The following ADGRL2 variants were observed in gnomAD, a reference collection of about 807,000 sequenced individuals.
ADGRL2 encodes the protein calcium-independent alpha-latrotoxin receptor 2.
ADGRL2 carries 44 observed loss-of-function variants against 157.4 expected under a neutral mutation model. That is an observed-to-expected ratio of 0.28 (90% CI 0.22 to 0.36). ADGRL2 has a LOEUF of 0.36. ADGRL2 is among the 10% of genes least tolerant of loss of function. The pLI, the probability that ADGRL2 is intolerant of heterozygous loss-of-function variation, is 1.00. For synonymous variants in ADGRL2, 585 were observed against 624.7 expected (o/e 0.94, Z 0.95); for missense variants, 1,510 against 1,768.9 (o/e 0.85, Z 2.63).
chr1:81,895,496 T>G (rs2094365701), intron 2 of ADGRL2, among the ~76,000 whole-genome samples: 1 of 149,242 alleles, frequency 6.7e-6, no homozygotes, highest in South Asian at 2.1e-4. Flanking sequence ...CCACCTGGGT[T>G]CAAGCGTTTC....
chr1:81,460,258 A>G (rs1463756602), intron 2 of ADGRL2, among the ~76,000 whole-genome samples: 1 of 151,508 alleles, frequency 6.6e-6, no homozygotes, highest in African/African-American at 2.4e-5. Flanking sequence ...TTAATGATTT[A>G]TATTAATTAT....
chr1:81,847,783 A>T lies in ADGRL2; in HGVS notation c.73+10726A>T, dbSNP rs560139462. ...GTGTTTTTAACAGCATTTTAATACA[A>T]ATGTTTTATTATTTAAAGTAACACT... On this transcript the variant is annotated intron_variant, in intron 2 of 23. Coordinates refer to ENST00000686636, the MANE Select transcript of ADGRL2 (RefSeq NM_001366006.2). Among the ~76,000 whole-genome samples, 16 of 152,020 alleles carry T rather than the reference A, an allele frequency of 1.1e-4. No individual in the cohort carries two copies. In the South Asian group the frequency reaches 3.3e-3, roughly 31 times the overall value.
chr1:81,800,408 C>A (rs989434659), upstream of ADGRL2: 1 of 152,124 alleles, frequency 6.6e-6, no homozygotes, highest in Non-Finnish European at 1.5e-5. Context: ...GGCGAACAGA[C>A]GTTCTTTCTC....
intron 3 of ADGRL2, among the ~76,000 whole-genome samples, chr1:81,664,305 A>T (rs1231063815): frequency 6.6e-6 from 1 of 152,140 alleles, no homozygotes; most frequent in South Asian, 2.1e-4. Context: ...TATAATAAGA[A>T]TATTTTTCCA....
chr1:81,989,744 G>A (rs1168589292), intron 23 of ADGRL2: 1 of 1,605,306 alleles, frequency 6.2e-7, no homozygotes, highest in Non-Finnish European at 8.5e-7. Context: ...TCGTGATGTT[G>A]GATGGTGCTT....
intron 2 of ADGRL2, among the ~76,000 whole-genome samples, chr1:81,506,510 G>C (rs1166735975): frequency 1.3e-5 from 2 of 152,040 alleles, no homozygotes; most frequent in African/African-American, 4.8e-5. Context: ...AGGAGTTTGA[G>C]ACCAGCCTGG....
chr1:81,711,565 T>A (rs2083929707), intron 1 of ADGRL2, among the ~76,000 whole-genome samples: 1 of 152,070 alleles, frequency 6.6e-6, no homozygotes, highest in African/African-American at 2.4e-5. Flanking sequence ...AAAATTGGTA[T>A]TTTTTTGTTT....
intron 1 of ADGRL2, among the ~76,000 whole-genome samples, chr1:81,817,141 A>G (rs977494629): frequency 1.3e-5 from 2 of 151,864 alleles, no homozygotes; most frequent in Admixed American, 1.3e-4. Flanking sequence ...CTGTTTTTCT[A>G]TTCTGTATGT....
intron 2 of ADGRL2, among the ~76,000 whole-genome samples, chr1:81,460,941 G>A (rs2077913895): frequency 6.6e-6 from 1 of 152,186 alleles, no homozygotes. Context: ...GGAAACAGCA[G>A]TACTTATGCA....
intron 2 of ADGRL2, among the ~76,000 whole-genome samples, chr1:81,524,727 T>A (rs1343833308): frequency 6.6e-6 from 1 of 152,108 alleles, no homozygotes; most frequent in African/African-American, 2.4e-5. Flanking sequence ...ATGCTACATT[T>A]ATGTTTTTAA....
chr1:81,417,985 C>T (rs557270391), intron 1 of ADGRL2, among the ~76,000 whole-genome samples: 1 of 152,254 alleles, frequency 6.6e-6, no homozygotes, highest in East Asian at 1.9e-4. Context: ...AAGGGGCTCA[C>T]TTGAAAATAA....
At chr1:81,351,974 G>A (rs1662929418) in intron 1 of ADGRL2, among the ~76,000 whole-genome samples, 1 of 152,212 alleles carries the variant, frequency 6.6e-6, no homozygotes, top group Non-Finnish European at 1.5e-5. Context: ...ACAAAAGCCA[G>A]AGAATGGCAG....
intron 3 of ADGRL2, among the ~76,000 whole-genome samples, chr1:81,595,794 C>T (rs2081219334): frequency 6.6e-6 from 1 of 152,106 alleles, no homozygotes; most frequent in Admixed American, 6.6e-5. Context: ...TGTCTTAGTC[C>T]ATTTGGGCTG....
intron 2 of ADGRL2, among the ~76,000 whole-genome samples, chr1:81,499,187 A>G (rs2078791338): frequency 6.6e-6 from 1 of 152,276 alleles, no homozygotes; most frequent in Admixed American, 6.5e-5. Context: ...CATGACATGT[A>G]TTCGAGAAGT....
chr1:81,706,475 T>A (rs144690964), intron 1 of ADGRL2, among the ~76,000 whole-genome samples: 1 of 152,282 alleles, frequency 6.6e-6, no homozygotes, highest in East Asian at 1.9e-4. Context: ...GTGCCAGAGC[T>A]TGTCTTTCCA....
chr1:81,672,149 A>G lies in ADGRL2; in HGVS notation c.-142-89662A>G, dbSNP rs550100570. Among the ~76,000 whole-genome samples the G allele has an allele frequency of 4.9e-4, 75 of 152,304 alleles. 1 individual carries two copies. In the South Asian group the frequency reaches 0.016, roughly 32 times the overall value. On this transcript the variant is annotated intron_variant, in intron 3 of 24. Coordinates refer to the ADGRL2 transcript ENST00000370721. ...TGTCTTATCTTAGAATTGGGCTTTC[A>G]AGTGTTGCTTTAGCAGCCTTCTGTA...
chr1:81,451,469 C>T (rs898912472), intron 2 of ADGRL2, among the ~76,000 whole-genome samples: 3 of 152,160 alleles, frequency 2.0e-5, no homozygotes, highest in East Asian at 1.9e-4. Flanking sequence ...AAGAGCATTG[C>T]TAACATTTTT....
At position 81,648,475 on chromosome 1, in the gene ADGRL2, T is replaced by C. The variant is rs377747548; in HGVS notation, c.-143+67495T>C. Among the ~76,000 whole-genome samples the C allele has an allele frequency of 2.0e-5, 3 of 152,192 alleles. No individual in the cohort carries two copies. The East Asian group carries it at 5.8e-4, about 29-fold the overall frequency. On this transcript the variant is annotated intron_variant, in intron 3 of 24. Coordinates refer to the ADGRL2 transcript ENST00000370721. Reference sequence around the variant, plus strand: ...TTGGAGCCTAAATATAAATCCTCTCTGTTTACTGCAGCAAAACAAGGAAAA... The same window carrying C: ...TTGGAGCCTAAATATAAATCCTCTCCGTTTACTGCAGCAAAACAAGGAAAA...
chr1:81,783,584 A>T (rs1159796682), intron 2 of ADGRL2, among the ~76,000 whole-genome samples: 1 of 152,206 alleles, frequency 6.6e-6, no homozygotes, highest in Non-Finnish European at 1.5e-5. Context: ...AAACATAACT[A>T]AGAGTGAGCA....
Sources: allele counts gnomAD v4.1 joint callset (sites outside exome capture counted in the v4.1 genomes callset), GRCh38; gene constraint gnomAD v4.1.1; transcripts MANE v1.5; gene names NCBI Gene and HGNC (gene_info 2026-07-23, HGNC 2026-07-21).